The following CSGALNACT1 variants were observed in gnomAD, a reference collection of about 807,000 sequenced individuals.
The protein encoded by CSGALNACT1 is beta4GalNAcT-1.
CSGALNACT1 carries 52 observed loss-of-function variants against 51.0 expected under a neutral mutation model. The ratio of observed to expected loss-of-function variants is 1.02; its 90% CI spans 0.82 to 1.29. The LOEUF (loss-of-function observed/expected upper bound fraction) is 1.29. Ranked by LOEUF, CSGALNACT1 falls within the 50% of genes most tolerant of loss-of-function variation. CSGALNACT1 has a pLI of 0.00. For synonymous variants in CSGALNACT1, 341 were observed against 254.4 expected, an observed-to-expected ratio of 1.34 and a Z score of -3.24; for missense variants, 935 against 679.2, an observed-to-expected ratio of 1.38 and a Z score of -4.19.
At chr8:19,513,328 C>A (rs1388721960) in intron 3 of CSGALNACT1, among the ~76,000 whole-genome samples, 6 of 151,368 alleles carry the variant, frequency 4.0e-5, no homozygotes, top group Non-Finnish European at 7.4e-5. Context: ...ACGGAAGACA[C>A]ACGAAAGCCA....
At chr8:19,464,364 C>T (rs573488779) in intron 4 of CSGALNACT1, among the ~76,000 whole-genome samples, 9 of 152,254 alleles carry the variant, frequency 5.9e-5, no homozygotes, top group East Asian at 1.9e-4. Flanking sequence ...TCAAAGTTCT[C>T]GCCAGCATCC....
intron 1 of CSGALNACT1, among the ~76,000 whole-genome samples, chr8:19,638,252 G>T (rs1455324414): frequency 3.3e-5 from 5 of 149,262 alleles, no homozygotes; most frequent in African/African-American, 1.2e-4. Context: ...GAGAGGTTGG[G>T]CTTGAGAGGC....
chr8:19,473,536 C>G (rs1278776951), intron 4 of CSGALNACT1, among the ~76,000 whole-genome samples: 1 of 152,202 alleles, frequency 6.6e-6, no homozygotes, highest in South Asian at 2.1e-4. Context: ...CAGCCTAACC[C>G]TGGCTTCACC....
intron 1 of CSGALNACT1, among the ~76,000 whole-genome samples, chr8:19,713,218 A>G (rs1242990268): frequency 6.6e-6 from 1 of 152,150 alleles, no homozygotes. Context: ...CAGGATGGTG[A>G]GCCGCGCTGG....
At chr8:19,669,124 T>C (rs1320004770) in intron 1 of CSGALNACT1, among the ~76,000 whole-genome samples, 1 of 152,230 alleles carries the variant, frequency 6.6e-6, no homozygotes, top group Non-Finnish European at 1.5e-5. Flanking sequence ...CAAAAGTATG[T>C]TGATCATTTG....
chr8:19,483,517 G>A (rs539839444), intron 4 of CSGALNACT1, among the ~76,000 whole-genome samples: 1 of 152,178 alleles, frequency 6.6e-6, no homozygotes, highest in Non-Finnish European at 1.5e-5. Flanking sequence ...GCCATCCCCA[G>A]TCTACTTTTG....
At chr8:19,417,036 A>C (rs1180759842) in intron 8 of CSGALNACT1, among the ~76,000 whole-genome samples, 1 of 151,868 alleles carries the variant, frequency 6.6e-6, no homozygotes, top group Admixed American at 6.6e-5. Context: ...TTTATTTTTT[A>C]GTAGAGATGG....
intron 3 of CSGALNACT1, among the ~76,000 whole-genome samples, chr8:19,508,382 C>T (rs2077778587): frequency 6.6e-6 from 1 of 152,188 alleles, no homozygotes; most frequent in Non-Finnish European, 1.5e-5. Flanking sequence ...TCTAATATTT[C>T]CTTCAGCCCA....
exon 10 of CSGALNACT1, chr8:19,405,595 GC>G (rs1377071558): frequency 2.4e-6 from 2 of 825,946 alleles, no homozygotes; most frequent in Admixed American, 4.0e-5. Flanking sequence ...ACTTTTGCAG[GC>G]AAAGCGGAGA....
intron 1 of CSGALNACT1, among the ~76,000 whole-genome samples, chr8:19,734,365 C>T (rs1431053219): frequency 1.3e-5 from 2 of 152,240 alleles, no homozygotes; most frequent in African/African-American, 2.4e-5. Flanking sequence ...CAGCCAATCA[C>T]AGGCTGCCAA....
intron 3 of CSGALNACT1, among the ~76,000 whole-genome samples, chr8:19,531,305 C>G (rs887300480): frequency 6.6e-6 from 1 of 152,078 alleles, no homozygotes; most frequent in Non-Finnish European, 1.5e-5. Flanking sequence ...ACTCATAGCT[C>G]CACATAATTT....
intron 1 of CSGALNACT1, among the ~76,000 whole-genome samples, chr8:19,615,692 A>G (rs780227849): frequency 2.0e-5 from 3 of 152,248 alleles, no homozygotes; most frequent in Non-Finnish European, 4.4e-5. Context: ...TCAACATCCA[A>G]TTATATGCTG....
rs1221624608 is a variant in CSGALNACT1, at chr8:19,666,995, G to GA, written c.-544+15477dup. Among the ~76,000 whole-genome samples, 103 of 26,940 alleles carry GA rather than the reference G, an allele frequency of 3.8e-3. 1 individual carries two copies. The highest frequency in any genetic ancestry group is 0.013 in the African/African-American group (58 of 4,570). 17.7% of individuals were successfully genotyped at this position (26,940 alleles called of 152,430 possible). ...AGAAAGAAAGAAAGAAAGAAAGAAA[G>GA]AAAGAAAGAAAGAAAGAAAGAAAGG... On this transcript the variant is annotated intron_variant, in intron 1 of 9. Transcript: ENST00000332246.
chr8:19,564,594 G>C (rs902364656), intron 3 of CSGALNACT1, among the ~76,000 whole-genome samples: 1 of 152,114 alleles, frequency 6.6e-6, no homozygotes, highest in Non-Finnish European at 1.5e-5. Context: ...ACCTGGAAGA[G>C]CGGCCCTATA....
upstream of CSGALNACT1, chr8:19,683,098 GA>G: frequency 4.5e-6 from 1 of 222,056 alleles, no homozygotes; most frequent in Non-Finnish European, 9.2e-6. Flanking sequence ...GCGATCACAG[GA>G]CATAATGGAA....
chr8:19,457,038 C>T (rs1029619062), intron 5 of CSGALNACT1, among the ~76,000 whole-genome samples: 1 of 152,198 alleles, frequency 6.6e-6, no homozygotes, highest in Non-Finnish European at 1.5e-5. Flanking sequence ...CAGAGATGAT[C>T]AACAAAGCAG....
Position 19,656,250 on chromosome 8 carries a change from T to A in CSGALNACT1, c.-544+26223A>T, listed in dbSNP as rs551161039. Among the ~76,000 whole-genome samples the A allele has an allele frequency of 2.0e-5, 3 of 152,322 alleles. No individual in the cohort carries two copies. In the South Asian group the frequency reaches 6.2e-4, roughly 32 times the overall value. On this transcript the variant is annotated intron_variant, in intron 1 of 9. Transcript: ENST00000332246. ...GTCTCTCAGAAACTGCAAGAAAATTTGATTCTCTCAAATCCTGTGAGCAAA... is the reference window on the plus strand; with the variant it reads ...GTCTCTCAGAAACTGCAAGAAAATTAGATTCTCTCAAATCCTGTGAGCAAA...
chr8:19,450,074 G>T (rs1042747293), intron 5 of CSGALNACT1, among the ~76,000 whole-genome samples: 1 of 126,242 alleles, frequency 7.9e-6, no homozygotes, highest in Non-Finnish European at 1.7e-5. Context: ...AAGAAAGAGG[G>T]GGAGGAGGGG....
At chr8:19,617,864 G>A (rs571048778) in intron 1 of CSGALNACT1, among the ~76,000 whole-genome samples, 33 of 152,224 alleles carry the variant, frequency 2.2e-4, no homozygotes, top group South Asian at 1.4e-3. Context: ...CTTAATAAAA[G>A]TCATTATATT....
Sources: allele counts gnomAD v4.1 joint callset (sites outside exome capture counted in the v4.1 genomes callset), GRCh38; gene constraint gnomAD v4.1.1; transcripts MANE v1.5; gene names NCBI Gene and HGNC (gene_info 2026-07-23, HGNC 2026-07-21).